The following UBE3C variants were observed in gnomAD, a reference collection of about 807,000 sequenced individuals.
UBE3C encodes the protein ubiquitin protein ligase E3C.
UBE3C carries 42 observed loss-of-function variants against 129.4 expected under a neutral mutation model. The observed-to-expected ratio is 0.32, with a 90% CI of 0.25 to 0.42. UBE3C has a LOEUF of 0.42. Among genes scored for constraint, UBE3C ranks in the 10% least tolerant of loss-of-function variants. The pLI, the probability that UBE3C is intolerant of heterozygous loss-of-function variation, is 1.00. For synonymous variants in UBE3C, 510 were observed against 492.4 expected (o/e 1.04, Z -0.47); for missense variants, 1,049 against 1,319.1 (o/e 0.80, Z 3.17).
chr7:157,248,115 C>T (rs185815157), intron 18 of UBE3C, among the ~76,000 whole-genome samples: 75 of 152,282 alleles, frequency 4.9e-4, no homozygotes, highest in Non-Finnish European at 8.8e-4. Context: ...TCTGTCTCTT[C>T]ATAATTCCAC....
At chr7:157,251,279 G>A (rs1215144677) in intron 19 of UBE3C, among the ~76,000 whole-genome samples, 1 of 152,098 alleles carries the variant, frequency 6.6e-6, no homozygotes, top group Non-Finnish European at 1.5e-5. Flanking sequence ...TTAAAATATG[G>A]TGCTGCTCTC....
intron 1 of UBE3C, among the ~76,000 whole-genome samples, chr7:157,161,853 C>G (rs924555581): frequency 1.3e-5 from 2 of 151,980 alleles, no homozygotes; most frequent in Non-Finnish European, 2.9e-5. Context: ...GGGCAGATCA[C>G]TTGAGGCCAG....
chr7:157,207,386 C>A lies in UBE3C; in HGVS notation c.1419-12C>A. The A allele has an allele frequency of 6.3e-7, 1 of 1,590,402 alleles. No homozygotes were observed. Among genetic ancestry groups the A allele is most frequent in the Non-Finnish European group, 8.5e-7 (1 of 1,174,678 alleles). ...AAGTGACTGGTTTTTTTCTTCTTTT[C>A]TTTAATTCAAGGTCTATGGTACCGT... is the stretch of plus-strand genomic sequence containing the variant. On this transcript the variant is annotated splice_polypyrimidine_tract_variant and intron_variant, in intron 11 of 22. Coordinates refer to ENST00000348165, the MANE Select transcript of UBE3C (RefSeq NM_014671.3).
chr7:157,199,461 TTTTTATTTTA>T (rs1236497048), intron 10 of UBE3C, among the ~76,000 whole-genome samples: 2 of 151,858 alleles, frequency 1.3e-5, no homozygotes, highest in Admixed American at 6.6e-5. Flanking sequence ...ATTTTTTTTA[TTTTTATTTTA>T]TTTTATTTTA....
At chr7:157,200,379 G>A (rs1396366944) in intron 10 of UBE3C, among the ~76,000 whole-genome samples, 1 of 152,116 alleles carries the variant, frequency 6.6e-6, no homozygotes, top group Non-Finnish European at 1.5e-5. Flanking sequence ...TGCCAATATG[G>A]AACAATGCAT....
chr7:157,196,276 C>G (rs1809118970), intron 10 of UBE3C, among the ~76,000 whole-genome samples: 1 of 152,228 alleles, frequency 6.6e-6, no homozygotes. Context: ...GGACTCCTAA[C>G]CTATAGAATT....
Position 157,254,273 on chromosome 7 carries a change from A to G in UBE3C, c.2913A>G (p.Ile971Met). 6.2e-7 allele frequency: 1 copy of G among 1,613,618 alleles called. No homozygotes were observed. The highest frequency in any genetic ancestry group is 8.5e-7 in the Non-Finnish European group (1 of 1,179,902). The change falls in exon 21 of 23, where the codon ATA (isoleucine) becomes ATG (methionine). Residue 971 changes from isoleucine (I) to methionine (M), a missense_variant. By Grantham distance (10) the Ile-to-Met change is conservative. Around this residue, in one of 4 missense-constraint regions of UBE3C, gnomAD observed 243 missense variants for 368.7 expected, o/e 0.66. Coordinates refer to ENST00000348165, the MANE Select transcript of UBE3C (RefSeq NM_014671.3). ...TAATTTCTGGTGCACAAGTTCCCATAAGCCTAGAGGACCTAAAATCCTTTA... is the reference window on the plus strand; with the variant it reads ...TAATTTCTGGTGCACAAGTTCCCATGAGCCTAGAGGACCTAAAATCCTTTA... ...QVLISGAQVP[I>M]SLEDLKSFTN... is the part of the protein sequence containing the mutation.
chr7:157,208,021 C>A, intron 13 of UBE3C, 86 bp downstream of exon 13: 3 of 484,824 alleles, frequency 6.2e-6, no homozygotes, highest in Non-Finnish European at 8.7e-6. Context: ...AATAAAAATG[C>A]AGGTTTGTTT....
At chr7:157,242,152 C>A (rs1273193088) in intron 18 of UBE3C, among the ~76,000 whole-genome samples, 1 of 152,140 alleles carries the variant, frequency 6.6e-6, no homozygotes, top group Non-Finnish European at 1.5e-5. Context: ...AAAGCTGTTA[C>A]AAAGGAATCG....
At chr7:157,216,681 AT>A (rs1795583010) in intron 13 of UBE3C, among the ~76,000 whole-genome samples, 185 bp from the exon 14 acceptor site, 1 of 152,324 alleles carries the variant, frequency 6.6e-6, no homozygotes. Context: ...TTGTTGGCAG[AT>A]AACTGCTTTG....
In UBE3C at chr7:157,223,319, C is replaced by G; in HGVS notation, c.2068C>G (p.Pro690Ala). Residue 690 changes from proline to alanine, a missense_variant, in exon 16 of 23, where the codon CCT becomes GCT. By Grantham distance (27) the Pro-to-Ala change is conservative. This residue lies in a region of UBE3C where 314 missense variants were observed against 416.9 expected (regional missense o/e 0.75). Coordinates refer to ENST00000348165, the MANE Select transcript of UBE3C (RefSeq NM_014671.3). Reference sequence around the variant, plus strand: ...ACAGCTTGCTGTCCTGACAGAGTTGCCTTTTGTGGTTCCATTTGAGGAACG... The same window carrying G: ...ACAGCTTGCTGTCCTGACAGAGTTGGCTTTTGTGGTTCCATTTGAGGAACG... ...ERQLAVLTELPFVVPFEERVK... is the reference protein window; with the variant it reads ...ERQLAVLTELAFVVPFEERVK... 6.2e-7 allele frequency: 1 copy of G among 1,613,752 alleles called. No homozygotes were observed. The highest frequency in any genetic ancestry group is 8.5e-7 in the Non-Finnish European group (1 of 1,179,880).
At chr7:157,148,262 G>A (rs568160189) in intron 1 of UBE3C, among the ~76,000 whole-genome samples, 1 of 152,046 alleles carries the variant, frequency 6.6e-6, no homozygotes, top group South Asian at 2.1e-4. Flanking sequence ...CACCAGGCCT[G>A]GCTAATTTTT....
intron 1 of UBE3C, among the ~76,000 whole-genome samples, chr7:157,151,171 T>G (rs772933838): frequency 1.3e-5 from 2 of 152,236 alleles, no homozygotes; most frequent in Non-Finnish European, 2.9e-5. Flanking sequence ...GTGGACATAA[T>G]CCTGAAGCCA....
At position 157,231,009 on chromosome 7, in the gene UBE3C, T is replaced by C. The variant is rs918696067; in HGVS notation, c.2234-71T>C. 50 of 1,577,138 alleles carry C rather than the reference T, an allele frequency of 3.2e-5. No homozygotes were observed. The South Asian group carries it at 4.9e-4, about 15-fold the overall frequency. On this transcript the variant is annotated intron_variant, in intron 17 of 22. Transcript: ENST00000348165. ...CTCACACCCCTTCCTTAAGCCTTCC[T>C]GTAAGGCTAGTTGATGTTATTGCTT...
intron 13 of UBE3C, among the ~76,000 whole-genome samples, chr7:157,211,765 A>G (rs572955218): frequency 6.6e-6 from 1 of 152,300 alleles, no homozygotes; most frequent in African/African-American, 2.4e-5. Context: ...CACAGTATTC[A>G]TCCCACCCAT....
At chr7:157,181,454 G>T in intron 6 of UBE3C, 64 bp from the exon 7 acceptor site, 1 of 1,434,968 alleles carries the variant, frequency 7.0e-7, no homozygotes, top group South Asian at 1.4e-5. Context: ...TTTAAAAATT[G>T]GCAAGTTTTT....
intron 10 of UBE3C, among the ~76,000 whole-genome samples, chr7:157,194,059 C>T (rs1213603532): frequency 1.3e-5 from 2 of 152,088 alleles, no homozygotes; most frequent in Non-Finnish European, 2.9e-5. Context: ...TTTTGTTAAT[C>T]CAAAACAGGA....
chr7:157,192,051 T>A (rs913583192), intron 10 of UBE3C, among the ~76,000 whole-genome samples: 2 of 152,242 alleles, frequency 1.3e-5, no homozygotes, highest in Non-Finnish European at 2.9e-5. Context: ...TAAAATTAAA[T>A]GTATTTTGAA....
At chr7:157,154,425 A>G (rs531116841) in intron 1 of UBE3C, among the ~76,000 whole-genome samples, 7 of 152,294 alleles carry the variant, frequency 4.6e-5, no homozygotes, top group African/African-American at 1.7e-4. Flanking sequence ...CTCTCAGAAC[A>G]AGTCTAAACA....
Sources: allele counts gnomAD v4.1 joint callset (sites outside exome capture counted in the v4.1 genomes callset), GRCh38; gene constraint gnomAD v4.1.1; regional missense constraint gnomAD v4.1.1; transcripts MANE v1.5; gene names NCBI Gene and HGNC (gene_info 2026-07-23, HGNC 2026-07-21).